GRID1: variants seen among roughly 807,000 people sequenced by gnomAD.
GRID1 encodes the protein glutamate ionotropic receptor delta type subunit 1.
GRID1 carries 28 observed loss-of-function variants against 98.0 expected under a neutral mutation model. The ratio of observed to expected loss-of-function variants is 0.29; its 90% CI spans 0.21 to 0.39. GRID1 has a LOEUF of 0.39. GRID1 is among the 10% of genes least tolerant of loss of function. GRID1 has a pLI of 1.00. For synonymous variants in GRID1, 553 were observed against 538.5 expected, an observed-to-expected ratio of 1.03 and a Z score of -0.37; for missense variants, 1,111 against 1,340.5, an observed-to-expected ratio of 0.83 and a Z score of 2.67.
chr10:86,127,211 T>A (rs755348189), intron 4 of GRID1, among the ~76,000 whole-genome samples: 2 of 152,114 alleles, frequency 1.3e-5, no homozygotes, highest in Non-Finnish European at 2.9e-5. Flanking sequence ...TAGTGTAGTC[T>A]GGCGGTGCTT....
chr10:86,205,653 A>C (rs554567696), intron 3 of GRID1, among the ~76,000 whole-genome samples: 2 of 152,252 alleles, frequency 1.3e-5, no homozygotes, highest in East Asian at 3.9e-4. Flanking sequence ...TTATCACATA[A>C]TTTTCAAAAA....
At chr10:86,190,292 A>G (rs1845782842) in intron 3 of GRID1, among the ~76,000 whole-genome samples, 1 of 152,158 alleles carries the variant, frequency 6.6e-6, no homozygotes, top group Non-Finnish European at 1.5e-5. Context: ...CTAGTCACTG[A>G]AGTGCTGTGA....
At chr10:86,108,624 T>C (rs376349373) in intron 4 of GRID1, among the ~76,000 whole-genome samples, 49 of 152,278 alleles carry the variant, frequency 3.2e-4, no homozygotes, top group African/African-American at 1.0e-3. Flanking sequence ...AGCCCTCACA[T>C]GCCATCCCCA....
chr10:86,023,790 C>T (rs538237437), intron 4 of GRID1, among the ~76,000 whole-genome samples: 18 of 152,274 alleles, frequency 1.2e-4, no homozygotes, highest in African/African-American at 4.1e-4. Flanking sequence ...TGGTCTCCTA[C>T]CTCTCTAAGT....
At chr10:85,989,030 A>C (rs1842645788) in intron 4 of GRID1, among the ~76,000 whole-genome samples, 1 of 152,194 alleles carries the variant, frequency 6.6e-6, no homozygotes, top group African/African-American at 2.4e-5. Flanking sequence ...GGGAAGAAAC[A>C]GGAGAGGCGG....
At chr10:85,895,952 A>G (rs1014623069) in intron 5 of GRID1, among the ~76,000 whole-genome samples, 13 of 152,020 alleles carry the variant, frequency 8.6e-5, no homozygotes, top group Admixed American at 5.9e-4. Context: ...GAACATGGAC[A>G]TGTTGTCACT....
chr10:86,230,408 T>A (rs1846432142), intron 2 of GRID1, among the ~76,000 whole-genome samples: 1 of 152,172 alleles, frequency 6.6e-6, no homozygotes, highest in Non-Finnish European at 1.5e-5. Flanking sequence ...ACATTTGGCT[T>A]CCCTCGGAGC....
intron 8 of GRID1, among the ~76,000 whole-genome samples, chr10:85,736,651 T>C (rs1480391501): frequency 6.6e-6 from 1 of 152,276 alleles, no homozygotes; most frequent in East Asian, 1.9e-4. Flanking sequence ...AGTCATCTAC[T>C]AGGGTTTTTT....
chr10:86,043,258 C>T (rs1329803904), intron 4 of GRID1, among the ~76,000 whole-genome samples: 1 of 152,208 alleles, frequency 6.6e-6, no homozygotes, highest in African/African-American at 2.4e-5. Context: ...CTCCTCTCTA[C>T]CAGCCCTTGT....
intron 3 of GRID1, among the ~76,000 whole-genome samples, chr10:86,176,397 C>T (rs1274995280): frequency 2.6e-5 from 4 of 152,072 alleles, no homozygotes; most frequent in Admixed American, 6.5e-5. Context: ...CATCATGGCA[C>T]GAGGTGAAAG....
At chr10:86,215,350 A>G (rs1305939526) in intron 2 of GRID1, among the ~76,000 whole-genome samples, 1 of 152,228 alleles carries the variant, frequency 6.6e-6, no homozygotes, top group Non-Finnish European at 1.5e-5. Context: ...TGGCAGCACC[A>G]TGGGATCTCT....
intron 4 of GRID1, among the ~76,000 whole-genome samples, chr10:86,109,639 A>G (rs1400152036): frequency 6.6e-6 from 1 of 152,196 alleles, no homozygotes; most frequent in Non-Finnish European, 1.5e-5. Flanking sequence ...AGGCCTCTCT[A>G]TGTCATCAGA....
chr10:85,857,565 G>A (rs189998738), intron 6 of GRID1, among the ~76,000 whole-genome samples: 4 of 152,248 alleles, frequency 2.6e-5, no homozygotes, highest in East Asian at 1.9e-4. Context: ...AAGGGAAGGC[G>A]GTGAGGGCGA....
chr10:86,307,540 G>A (rs897103720), intron 2 of GRID1, among the ~76,000 whole-genome samples: 3 of 152,124 alleles, frequency 2.0e-5, no homozygotes, highest in African/African-American at 4.8e-5. Context: ...AGCTGCTGTG[G>A]GGGGGAATGG....
rs1181064254 is a variant in GRID1, at chr10:86,303,275, C to T, written c.235+60666G>A. Reference sequence around the variant, plus strand: ...GACAAATGTTAACAATGTTTAAATCCAGATGTAAATGGCTATGTCCATTAC... The same window carrying T: ...GACAAATGTTAACAATGTTTAAATCTAGATGTAAATGGCTATGTCCATTAC... On this transcript the variant is annotated intron_variant, in intron 2 of 15. Transcript: ENST00000327946. 8.5e-5 allele frequency among the ~76,000 whole-genome samples: 13 copies of T among 152,272 alleles called. No individual in the cohort carries two copies. The South Asian group carries it at 1.9e-3, about 22-fold the overall frequency.
chr10:86,058,946 C>T (rs1054428987), intron 4 of GRID1, among the ~76,000 whole-genome samples: 13 of 152,150 alleles, frequency 8.5e-5, no homozygotes, highest in African/African-American at 2.9e-4. Flanking sequence ...AGGTACTGGG[C>T]CCTGTGAGGA....
chr10:85,724,832 T>A (rs1407654368), intron 10 of GRID1, among the ~76,000 whole-genome samples, 156 bp from the exon 11 acceptor site: 1 of 152,190 alleles, frequency 6.6e-6, no homozygotes, highest in African/African-American at 2.4e-5. Context: ...ATAAGGAAAA[T>A]CCAACACTAA....
chr10:86,133,664 T>G (rs1026123921), intron 4 of GRID1, among the ~76,000 whole-genome samples: 14 of 152,182 alleles, frequency 9.2e-5, no homozygotes, highest in African/African-American at 3.4e-4. Context: ...CTATTGGAAG[T>G]AAGAAATATT....
chr10:85,954,955 C>A (rs1042494026), intron 4 of GRID1, among the ~76,000 whole-genome samples: 1 of 152,128 alleles, frequency 6.6e-6, no homozygotes, highest in African/African-American at 2.4e-5. Context: ...TTCTCCTTTT[C>A]TAGTACATAC....
Sources: gnomAD v4.1 joint callset for allele counts (sites outside exome capture counted in the v4.1 genomes callset) on GRCh38, gnomAD v4.1.1 for gene constraint, MANE v1.5 for transcripts, NCBI Gene and HGNC (gene_info 2026-07-23, HGNC 2026-07-21) for gene names.